PDZRN4: variants seen among roughly 807,000 people sequenced by gnomAD.
PDZRN4 encodes PDZ domain-containing RING finger protein 4.
A neutral mutation model predicts 99.0 loss-of-function variants in PDZRN4; 70 were observed. The ratio of observed to expected loss-of-function variants is 0.71; its 90% confidence interval spans 0.58 to 0.86. The LOEUF is 0.86. Among genes scored for constraint, PDZRN4 ranks in the 40% least tolerant of loss-of-function variants. The pLI, the probability that PDZRN4 is intolerant of heterozygous loss-of-function variation, is 0.00. For missense variants in PDZRN4, 1,474 were observed against 1,331.2 expected (o/e 1.11, Z -1.67); for synonymous variants, 551 against 501.6 (o/e 1.10, Z -1.32).
intron 5 of PDZRN4, among the ~76,000 whole-genome samples, chr12:41,545,146 G>A (rs1441767894): frequency 2.6e-5 from 4 of 152,054 alleles, no homozygotes; most frequent in Non-Finnish European, 4.4e-5. Context: ...TAATAGCCCC[G>A]TTTACTTTTT....
intron 5 of PDZRN4, among the ~76,000 whole-genome samples, chr12:41,514,775 C>T (rs1938371391): frequency 2.0e-5 from 3 of 152,086 alleles, no homozygotes. Context: ...AACAAATGCC[C>T]TCTTGCTTTC....
chr12:41,549,776 A>G (rs1372181786), intron 5 of PDZRN4, among the ~76,000 whole-genome samples: 1 of 152,196 alleles, frequency 6.6e-6, no homozygotes, highest in Non-Finnish European at 1.5e-5. Flanking sequence ...GTTATCTGTG[A>G]GAGAATGGAA....
At chr12:41,242,182 G>A (rs1328840296) in intron 3 of PDZRN4, among the ~76,000 whole-genome samples, 1 of 152,100 alleles carries the variant, frequency 6.6e-6, no homozygotes, top group African/African-American at 2.4e-5. Context: ...CAGGTCATAT[G>A]GAAATAAAAT....
At chr12:41,319,958 A>T (rs1484605983) in intron 3 of PDZRN4, among the ~76,000 whole-genome samples, 2 of 151,920 alleles carry the variant, frequency 1.3e-5, no homozygotes, top group Admixed American at 1.3e-4. Flanking sequence ...GCCACCTCCT[A>T]TTGCTTCCCA....
rs772920586 is a variant in PDZRN4, at chr12:41,194,064, T to C, written c.736-17T>C. On this transcript the variant is annotated splice_polypyrimidine_tract_variant and intron_variant, in intron 2 of 9. Transcript: ENST00000402685. ...TTTGCTTACATCTTTCTTCTGCTAATGATTTTTTAAAAATAGAATAATCAG... is the reference window on the plus strand; with the variant it reads ...TTTGCTTACATCTTTCTTCTGCTAACGATTTTTTAAAAATAGAATAATCAG... 8 of 1,171,154 alleles carry C rather than the reference T, an allele frequency of 6.8e-6. No individual in the cohort carries two copies. The East Asian group carries it at 1.9e-4, about 27-fold the overall frequency. 72.5% of individuals were successfully genotyped at this position (1,171,154 alleles called of 1,614,324 possible).
At chr12:41,487,780 C>T (rs912677460) in intron 3 of PDZRN4, among the ~76,000 whole-genome samples, 5 of 152,210 alleles carry the variant, frequency 3.3e-5, no homozygotes, top group Non-Finnish European at 7.3e-5. Context: ...CCTCTTTCCA[C>T]ATCGTGCTCA....
At chr12:41,383,271 C>T (rs1952139855) in intron 3 of PDZRN4, among the ~76,000 whole-genome samples, 1 of 152,178 alleles carries the variant, frequency 6.6e-6, no homozygotes, top group Non-Finnish European at 1.5e-5. Flanking sequence ...ATTTGCCTCC[C>T]TTCTGCCAGG....
chr12:41,501,745 A>G (rs1282995213), intron 3 of PDZRN4, among the ~76,000 whole-genome samples: 4 of 152,146 alleles, frequency 2.6e-5, no homozygotes, highest in African/African-American at 4.8e-5. Flanking sequence ...AAAAATTTAC[A>G]TGTGTTTATT....
chr12:41,339,304 T>G (rs1273174247), intron 3 of PDZRN4, among the ~76,000 whole-genome samples: 1 of 152,048 alleles, frequency 6.6e-6, no homozygotes, highest in Non-Finnish European at 1.5e-5. Context: ...TTGACGAAGT[T>G]GCCAAGAACA....
At chr12:41,320,274 T>C (rs1255443916) in intron 3 of PDZRN4, among the ~76,000 whole-genome samples, 3 of 152,196 alleles carry the variant, frequency 2.0e-5, no homozygotes, top group African/African-American at 7.2e-5. Context: ...GTGTGGGTGC[T>C]ACCAGTTTCC....
At chr12:41,419,805 T>C (rs1420722161) in intron 3 of PDZRN4, among the ~76,000 whole-genome samples, 1 of 152,218 alleles carries the variant, frequency 6.6e-6, no homozygotes, top group Non-Finnish European at 1.5e-5. Context: ...GTCAGATGCA[T>C]GCAGCACATG....
intron 3 of PDZRN4, among the ~76,000 whole-genome samples, chr12:41,364,116 G>C (rs1041017546): frequency 6.6e-6 from 1 of 152,052 alleles, no homozygotes; most frequent in Non-Finnish European, 1.5e-5. Context: ...CAAGGATAAG[G>C]CATTTGGTGG....
chr12:41,410,858 G>T (rs891986602), intron 3 of PDZRN4, among the ~76,000 whole-genome samples: 1 of 152,038 alleles, frequency 6.6e-6, no homozygotes, highest in Non-Finnish European at 1.5e-5. Context: ...TTTGTAGCAA[G>T]TGAAGCGTAG....
At chr12:41,446,128 A>G (rs1359098952) in intron 3 of PDZRN4, among the ~76,000 whole-genome samples, 1 of 152,016 alleles carries the variant, frequency 6.6e-6, no homozygotes, top group Non-Finnish European at 1.5e-5. Flanking sequence ...TCTAATTGCT[A>G]ATTTGTGCCA....
intron 3 of PDZRN4, among the ~76,000 whole-genome samples, chr12:41,290,076 C>T (rs1951447767): frequency 6.6e-6 from 1 of 152,100 alleles, no homozygotes; most frequent in Non-Finnish European, 1.5e-5. Context: ...TGGGCCTTTC[C>T]TTTAGGTTCA....
At chr12:41,190,165 G>T (rs1329568040) in intron 1 of PDZRN4, among the ~76,000 whole-genome samples, 2 of 152,186 alleles carry the variant, frequency 1.3e-5, no homozygotes, top group Non-Finnish European at 2.9e-5. Context: ...TTTGGGACTG[G>T]CTGCTCCACA....
chr12:41,281,611 G>T (rs899594984), intron 3 of PDZRN4, among the ~76,000 whole-genome samples: 4 of 152,118 alleles, frequency 2.6e-5, no homozygotes, highest in Admixed American at 2.6e-4. Flanking sequence ...TGGAAGAAAG[G>T]ATATCAGAGG....
intron 5 of PDZRN4, among the ~76,000 whole-genome samples, chr12:41,514,807 G>A (rs1437784962): frequency 6.6e-6 from 1 of 152,070 alleles, no homozygotes; most frequent in African/African-American, 2.4e-5. Context: ...TGTTCTTGGA[G>A]TCAGGAGTTT....
At chr12:41,377,123 T>C (rs1952087926) in intron 3 of PDZRN4, among the ~76,000 whole-genome samples, 1 of 152,202 alleles carries the variant, frequency 6.6e-6, no homozygotes, top group South Asian at 2.1e-4. Flanking sequence ...CTGTTTTGAT[T>C]ACTACAGATT....
Sources: allele counts gnomAD v4.1 joint callset (sites outside exome capture counted in the v4.1 genomes callset), GRCh38; gene constraint gnomAD v4.1.1; transcripts MANE v1.5; gene names NCBI Gene and HGNC (gene_info 2026-07-23, HGNC 2026-07-21).